The following THSD4 variants were observed in gnomAD, a reference collection of about 807,000 sequenced individuals.
The protein encoded by THSD4 is thrombospondin type-1 domain-containing protein 4.
Under a neutral mutation model 119.0 loss-of-function variants are expected in THSD4, and 69 were observed. That is an observed-to-expected ratio of 0.58 (90% CI 0.48 to 0.71). THSD4 has a LOEUF of 0.71. Among genes scored for constraint, THSD4 ranks in the 30% least tolerant of loss-of-function variants. The pLI, the probability that THSD4 is intolerant of heterozygous loss-of-function variation, is 0.00. For missense variants in THSD4, 1,393 were observed against 1,391.1 expected (o/e 1.00, Z -0.02); for synonymous variants, 524 against 540.4 (o/e 0.97, Z 0.42).
chr15:71,596,758 G>C (rs1046724762), intron 7 of THSD4, among the ~76,000 whole-genome samples: 1 of 152,212 alleles, frequency 6.6e-6, no homozygotes, highest in Non-Finnish European at 1.5e-5. Flanking sequence ...AATCCTGCGG[G>C]CCTCCTGGCT....
intron 8 of THSD4, among the ~76,000 whole-genome samples, chr15:71,707,594 T>TA (rs1161306712): frequency 6.6e-6 from 1 of 152,220 alleles, no homozygotes; most frequent in Non-Finnish European, 1.5e-5. Context: ...TTCCTGGATT[T>TA]AAAACCACAG....
At chr15:71,511,151 G>A (rs1255065077) in intron 7 of THSD4, among the ~76,000 whole-genome samples, 2 of 146,722 alleles carry the variant, frequency 1.4e-5, no homozygotes, top group Admixed American at 1.4e-4. Flanking sequence ...ACCAAATAAT[G>A]GGAAACAGAG....
chr15:71,471,312 G>A (rs2047575728), intron 7 of THSD4, among the ~76,000 whole-genome samples: 2 of 152,268 alleles, frequency 1.3e-5, no homozygotes, highest in South Asian at 4.1e-4. Flanking sequence ...CAGACTCATG[G>A]AGGGGAGGGA....
chr15:71,611,687 C>G (rs2050232570), intron 7 of THSD4, among the ~76,000 whole-genome samples: 1 of 152,154 alleles, frequency 6.6e-6, no homozygotes, highest in Non-Finnish European at 1.5e-5. Context: ...CCTGGGGTGG[C>G]CAGGAAAGGT....
chr15:71,709,588 T>G (rs1398544323), intron 8 of THSD4, among the ~76,000 whole-genome samples: 1 of 152,222 alleles, frequency 6.6e-6, no homozygotes, highest in East Asian at 1.9e-4. Flanking sequence ...CACCAGGACC[T>G]TAACTGGAAA....
chr15:71,245,058 G>A (rs1362101822), intron 5 of THSD4, among the ~76,000 whole-genome samples: 1 of 152,188 alleles, frequency 6.6e-6, no homozygotes, highest in African/African-American at 2.4e-5. Context: ...TGAGTGCTGG[G>A]GTAATGGCAC....
At chr15:71,403,257 C>T (rs2046561811) in intron 6 of THSD4, among the ~76,000 whole-genome samples, 1 of 152,152 alleles carries the variant, frequency 6.6e-6, no homozygotes, top group Non-Finnish European at 1.5e-5. Flanking sequence ...GGGTGCATGA[C>T]AGGTAAATTG....
rs372478375 is a variant in THSD4 at position 71,692,789 on chromosome 15, C to G, written c.1357+32055C>G. Among the ~76,000 whole-genome samples the G allele has an allele frequency of 1.1e-4, 17 of 152,286 alleles. No individual in the cohort carries two copies. In the East Asian group the frequency reaches 1.9e-3, roughly 17 times the overall value. On this transcript the variant is annotated intron_variant, in intron 8 of 17. Coordinates refer to ENST00000261862, the MANE Select transcript of THSD4 (RefSeq NM_024817.3). Reference sequence around the variant, plus strand: ...TGTTCCTGGTAATAAGAAGCGCTGTCCTCTGAAGGGACTCATGTTCCAGGG... The same window carrying G: ...TGTTCCTGGTAATAAGAAGCGCTGTGCTCTGAAGGGACTCATGTTCCAGGG...
chr15:71,709,073 C>G (rs1204692295), intron 8 of THSD4, among the ~76,000 whole-genome samples: 3 of 152,212 alleles, frequency 2.0e-5, no homozygotes, highest in Non-Finnish European at 2.9e-5. Flanking sequence ...ATCCCCTACT[C>G]TGCTACATAC....
At chr15:71,523,454 G>C (rs768706241) in intron 7 of THSD4, among the ~76,000 whole-genome samples, 1 of 152,194 alleles carries the variant, frequency 6.6e-6, no homozygotes, top group Non-Finnish European at 1.5e-5. Context: ...CTCATTATGA[G>C]ATCCTTAGTC....
chr15:71,123,715 T>C (rs1247625083), intron 1 of THSD4, among the ~76,000 whole-genome samples: 1 of 152,114 alleles, frequency 6.6e-6, no homozygotes, highest in Admixed American at 6.5e-5. Flanking sequence ...TGGGGTGGGA[T>C]CTGCCTCCCA....
At chr15:71,730,966 CTT>C (rs1382132994) in intron 9 of THSD4, 153 bp from the exon 10 acceptor site, 3 of 642,538 alleles carry the variant, frequency 4.7e-6, no homozygotes, top group Non-Finnish European at 8.3e-6. Context: ...CCAGGAATAA[CTT>C]TGTTTAATCT....
intron 4 of THSD4, among the ~76,000 whole-genome samples, chr15:71,239,408 A>T (rs993542521): frequency 5.9e-5 from 9 of 152,166 alleles, no homozygotes; most frequent in African/African-American, 2.2e-4. Flanking sequence ...GCATACAAAG[A>T]TTGGGTAACT....
chr15:71,283,940 G>A (rs761888014), intron 6 of THSD4, among the ~76,000 whole-genome samples: 78 of 151,922 alleles, frequency 5.1e-4, no homozygotes, highest in Non-Finnish European at 7.7e-4. Context: ...GTCCTGTTGG[G>A]ATTCTTTACT....
chr15:71,735,853 T>A, intron 10 of THSD4, among the ~76,000 whole-genome samples: 1 of 151,542 alleles, frequency 6.6e-6, no homozygotes, highest in African/African-American at 2.4e-5. Flanking sequence ...TCGCTCTCTG[T>A]CTCTCCTGCT....
At chr15:71,466,071 C>T (rs531657676) in intron 7 of THSD4, among the ~76,000 whole-genome samples, 8 of 152,036 alleles carry the variant, frequency 5.3e-5, no homozygotes, top group Admixed American at 1.3e-4. Flanking sequence ...AAATAGAGGC[C>T]GGGCGCAGTG....
upstream of THSD4, chr15:71,111,992 C>T: frequency 1.0e-6 from 1 of 958,720 alleles, no homozygotes; most frequent in Non-Finnish European, 1.5e-6. Context: ...AACTGTGTTC[C>T]CCATAAGTTT....
At chr15:71,452,293 G>A (rs543713849) in intron 7 of THSD4, among the ~76,000 whole-genome samples, 1 of 152,104 alleles carries the variant, frequency 6.6e-6, no homozygotes, top group African/African-American at 2.4e-5. Flanking sequence ...TCCCATTTGG[G>A]AAGGAGGACC....
rs2043782665 is a variant in THSD4 at position 71,199,891 on chromosome 15, GTATGTGTGTGT to G, written c.100-15143_100-15133del. On this transcript the variant is annotated intron_variant, in intron 3 of 17. Coordinates refer to ENST00000261862, the MANE Select transcript of THSD4 (RefSeq NM_024817.3). ...TGTGTGTGTGTGTGGTGCATGTGTGGTATGTGTGTGTGGTGCATGTGTGGGGTGTGTGTGTG... is the reference window on the plus strand; with the variant it reads ...TGTGTGTGTGTGTGGTGCATGTGTGGGGTGCATGTGTGGGGTGTGTGTGTG... Among the ~76,000 whole-genome samples, 128 of 56,894 alleles carry G rather than the reference GTATGTGTGTGT, an allele frequency of 2.2e-3. No homozygotes were observed. In the East Asian group the frequency reaches 0.036, roughly 16 times the overall value. 37.3% of individuals were successfully genotyped at this position (56,894 alleles called of 152,430 possible). A position where few individuals can be genotyped will look rare whatever the true frequency, so the allele number is the denominator to read the frequency against.
Sources: gnomAD v4.1 joint callset for allele counts (sites outside exome capture counted in the v4.1 genomes callset) on GRCh38, gnomAD v4.1.1 for gene constraint, MANE v1.5 for transcripts, NCBI Gene and HGNC (gene_info 2026-07-23, HGNC 2026-07-21) for gene names.